TKT: variants seen among roughly 807,000 people sequenced by gnomAD.
TKT encodes the protein transketolase, also known as epididymis luminal protein 107.
Under a neutral mutation model 63.9 loss-of-function variants are expected in TKT, and 47 were observed. The observed-to-expected ratio is 0.74, with a 90% CI of 0.58 to 0.94. The LOEUF is 0.94. TKT is among the 40% of genes least tolerant of loss of function. The pLI, the probability that TKT is intolerant of heterozygous loss-of-function variation, is 0.00. For synonymous variants in TKT, 338 were observed against 334.1 expected (o/e 1.01, Z -0.13); for missense variants, 721 against 846.2 (o/e 0.85, Z 1.84).
intron 8 of TKT, 133 bp from the exon 9 acceptor site, chr3:53,229,569 C>T (rs1553676529): frequency 1.3e-5 from 13 of 1,029,234 alleles, no homozygotes; most frequent in Non-Finnish European, 1.7e-5. Flanking sequence ...TGAATATGTC[C>T]CCCACCACCT....
chr3:53,236,356 C>T (rs1705033047), intron 4 of TKT, among the ~76,000 whole-genome samples: 1 of 152,234 alleles, frequency 6.6e-6, no homozygotes, highest in South Asian at 2.1e-4. Context: ...CATGACTCAG[C>T]ACTTCCACAT....
At chr3:53,235,566 G>A (rs1704987078) in intron 4 of TKT, 1 of 157,842 alleles carries the variant, frequency 6.3e-6, no homozygotes, top group South Asian at 1.9e-4. Context: ...GTGAACCAGA[G>A]GTTGGAGGAG....
chr3:53,229,100 C>T lies in TKT; in HGVS notation c.1302G>A (p.Leu434=), dbSNP rs188783999. ...ATGTGGGGACTGACCGAAACATAGC[C>T]AGATCTTCTAGGGCCATCTGGGAGG... is the stretch of plus-strand genomic sequence containing the variant. ...DGPSQMALED[L]AMFRSVPTST... The change falls in exon 10 of 14, where the codon CTG becomes CTA. Residue 434 remains leucine, a synonymous_variant. Transcript: ENST00000462138. 2 of 1,614,152 alleles carry T rather than the reference C, an allele frequency of 1.2e-6. No individual in the cohort carries two copies. The highest frequency in any genetic ancestry group is 4.5e-5 in the East Asian group (2 of 44,876).
intron 6 of TKT, chr3:53,232,330 C>A (rs1171835547): frequency 2.5e-6 from 1 of 399,184 alleles, no homozygotes; most frequent in African/African-American, 2.1e-5. Flanking sequence ...ACATCCACCC[C>A]CTCCCAGACA....
rs782320926 is a variant in TKT, at chr3:53,242,208, T to C, written c.142A>G (p.Met48Val). 1 of 1,614,054 alleles carries C rather than the reference T, an allele frequency of 6.2e-7. No individual in the cohort carries two copies. The highest frequency in any genetic ancestry group is 1.1e-5 in the South Asian group (1 of 91,074). The change falls in exon 2 of 14, where the codon ATG (methionine) becomes GTG (valine). Residue 48 changes from methionine to valine, a missense_variant. Met to Val is a conservative substitution (Grantham distance 21). Transcript: ENST00000462138. ...PTSCCSAAEIMAVLFFHTMRY... is the reference protein window; with the variant it reads ...PTSCCSAAEIVAVLFFHTMRY... ...ATGGTGTGGAAAAAGAGGACAGCCA[T>C]GATCTCTGCGGCGCTGCAGCATGAC...
intron 1 of TKT, among the ~76,000 whole-genome samples, chr3:53,243,229 C>T (rs1307238354): frequency 6.6e-6 from 1 of 151,988 alleles, no homozygotes; most frequent in African/African-American, 2.4e-5. Flanking sequence ...GCAGGAAGCG[C>T]TGCAGGTCCT....
intron 6 of TKT, chr3:53,232,824 A>G (rs1704828922): frequency 7.3e-6 from 3 of 411,382 alleles, no homozygotes; most frequent in South Asian, 1.4e-4. Context: ...CTGGCAGAGC[A>G]CACACAGCTG....
intron 4 of TKT, among the ~76,000 whole-genome samples, chr3:53,238,416 G>A (rs1705129468): frequency 6.6e-6 from 1 of 152,238 alleles, no homozygotes; most frequent in African/African-American, 2.4e-5. Flanking sequence ...GCAAACTGTG[G>A]TCAGGTGACA....
chr3:53,235,428 C>G, intron 4 of TKT: 1 of 406,866 alleles, frequency 2.5e-6, no homozygotes, highest in Non-Finnish European at 4.4e-6. Flanking sequence ...TGTTAAGAAA[C>G]AGAGGTCTAG....
At chr3:53,241,307 C>T (rs1705264174) in intron 2 of TKT, 62 bp from the exon 3 acceptor site, 2 of 1,422,022 alleles carry the variant, frequency 1.4e-6, no homozygotes, top group Non-Finnish European at 1.9e-6. Flanking sequence ...CGGGCTGTGC[C>T]TACTTCACAC....
rs1553678287 is a variant in TKT, at chr3:53,235,186, G to C, written c.438-12C>G. 3.1e-6 allele frequency: 5 copies of C among 1,601,846 alleles called. No homozygotes were observed. Among genetic ancestry groups the C allele is most frequent in the South Asian group, 1.1e-5 (1 of 89,612 alleles). On this transcript the variant is annotated splice_polypyrimidine_tract_variant and intron_variant, in intron 4 of 13. Transcript: ENST00000462138. ...AATAGACTCGGTAGCTGTGGACAGA[G>C]AGTGAATCAGGCCAGTCCCTCTCAC...
chr3:53,241,691 T>A (rs1705285733), intron 2 of TKT, among the ~76,000 whole-genome samples: 1 of 151,904 alleles, frequency 6.6e-6, no homozygotes, highest in Non-Finnish European at 1.5e-5. Context: ...GGGGTCCCCA[T>A]CCAAAACCCT....
chr3:53,247,219 T>C (rs868987898), intron 1 of TKT, among the ~76,000 whole-genome samples: 6 of 151,092 alleles, frequency 4.0e-5, no homozygotes, highest in Non-Finnish European at 3.0e-5. Context: ...TAGTTGGGCA[T>C]GGTGGTGGGT....
chr3:53,230,433 G>A (rs975857717), intron 8 of TKT, 24 bp downstream of exon 8: 31 of 1,614,052 alleles, frequency 1.9e-5, no homozygotes, highest in Non-Finnish European at 2.4e-5. Context: ...GGGTGGACCT[G>A]TCCCTGCCGG....
chr3:53,231,762 T>C lies in TKT; in HGVS notation c.749-212A>G. The stretch of plus-strand genomic sequence containing the variant: ...TCCTACGTGCCCACCACTCACTGTC[T>C]ACTGCCTGGTCCTTTGGGAGCTCAC... On this transcript the variant is annotated intron_variant, in intron 6 of 13. Transcript: ENST00000462138. 1.4e-5 allele frequency: 8 copies of C among 566,450 alleles called. No individual in the cohort carries two copies. In the East Asian group the frequency reaches 2.3e-4, roughly 17 times the overall value. 35.1% of individuals were successfully genotyped at this position (566,450 alleles called of 1,614,324 possible).
chr3:53,244,261 C>T (rs906009222), intron 1 of TKT, among the ~76,000 whole-genome samples: 12 of 152,310 alleles, frequency 7.9e-5, no homozygotes, highest in East Asian at 5.8e-4. Flanking sequence ...CAGGTGTCCC[C>T]GCACTCTTCC....
At position 53,229,150 on chromosome 3, in the gene TKT, G is replaced by A. The variant is rs374899875; in HGVS notation, c.1265-13C>T. 66 of 1,614,000 alleles carry A rather than the reference G, an allele frequency of 4.1e-5. No individual in the cohort carries two copies. Among genetic ancestry groups the A allele is most frequent in the Middle Eastern group, 1.6e-4 (1 of 6,082 alleles). On this transcript the variant is annotated splice_polypyrimidine_tract_variant and intron_variant, in intron 9 of 13. Coordinates refer to ENST00000462138, the MANE Select transcript of TKT (RefSeq NM_001064.4). ...GGCCCGTCTTCCCCTGGGGTGTGGGGGAAAGGATATGCAGAAATAAGACCC... is the reference window on the plus strand; with the variant it reads ...GGCCCGTCTTCCCCTGGGGTGTGGGAGAAAGGATATGCAGAAATAAGACCC...
In TKT at chr3:53,241,193, G is replaced by A. The variant is rs782486373; in HGVS notation, c.278C>T (p.Ala93Val). Residue 93 changes from alanine to valine, a missense_variant, in exon 3 of 14, where the codon GCC becomes GTC. Physicochemically the swap from Ala to Val is moderately conservative, Grantham distance 64. Transcript: ENST00000462138. Reference protein sequence around the residue: ...YAVWAEAGFLAEAELLNLRKI... With the variant: ...YAVWAEAGFLVEAELLNLRKI... ...CCTCAGGTTCAGCAGCTCCGCCTCG[G>A]CCAGGAAACCAGCTTCAGCCCAGAC... The A allele has an allele frequency of 2.5e-6, 4 of 1,597,720 alleles. No individual in the cohort carries two copies. The highest frequency in any genetic ancestry group is 1.7e-4 in the Middle Eastern group (1 of 6,014).
At chr3:53,255,617 C>G (rs2106742787) in intron 1 of TKT, among the ~76,000 whole-genome samples, 1 of 152,254 alleles carries the variant, frequency 6.6e-6, no homozygotes, top group South Asian at 2.1e-4. Context: ...CAGAGGCCCA[C>G]GCGGCCGAGC....
Sources: gnomAD v4.1 joint callset for allele counts (sites outside exome capture counted in the v4.1 genomes callset) on GRCh38, gnomAD v4.1.1 for gene constraint, MANE v1.5 for transcripts, NCBI Gene and HGNC (gene_info 2026-07-23, HGNC 2026-07-21) for gene names.